TRPM7: variants seen among roughly 807,000 people sequenced by gnomAD.
TRPM7 encodes the protein transient receptor potential cation channel subfamily M member 7.
In TRPM7, 134 loss-of-function variants were observed where a neutral mutation model predicts 229.7. That is an observed-to-expected ratio of 0.58 (90% confidence interval 0.51 to 0.67). The LOEUF is 0.67. Ranked by LOEUF, TRPM7 falls within the 30% of genes least tolerant of loss-of-function variation. The pLI is 0.00. For missense variants in TRPM7, 1,901 were observed against 2,210.0 expected (o/e 0.86, Z 2.80); for synonymous variants, 699 against 715.2 (o/e 0.98, Z 0.36).
At chr15:50,672,610 G>A (rs1394602188) in intron 1 of TRPM7, among the ~76,000 whole-genome samples, 1 of 151,854 alleles carries the variant, frequency 6.6e-6, no homozygotes, top group Non-Finnish European at 1.5e-5. Context: ...ATTTTAAAAT[G>A]TTGAAATAGA....
chr15:50,678,658 G>A (rs1276226445), intron 1 of TRPM7, among the ~76,000 whole-genome samples: 1 of 151,450 alleles, frequency 6.6e-6, no homozygotes, highest in African/African-American at 2.4e-5. Context: ...TTTTAGATAC[G>A]AACCCTATGA....
intron 3 of TRPM7, among the ~76,000 whole-genome samples, chr15:50,649,424 C>T (rs1383685355): frequency 7.4e-6 from 1 of 134,386 alleles, no homozygotes; most frequent in Non-Finnish European, 1.6e-5. Flanking sequence ...ACAGAACAAG[C>T]AAGACCCCAA....
intron 1 of TRPM7, among the ~76,000 whole-genome samples, chr15:50,672,415 A>T (rs2062009628): frequency 6.6e-6 from 1 of 151,670 alleles, no homozygotes; most frequent in Non-Finnish European, 1.5e-5. Context: ...TTCAGGAAGT[A>T]TTCCAGAAGG....
chr15:50,684,597 C>A (rs1219627056), intron 1 of TRPM7, among the ~76,000 whole-genome samples: 1 of 151,786 alleles, frequency 6.6e-6, no homozygotes, highest in Non-Finnish European at 1.5e-5. Flanking sequence ...GCCGAGATCG[C>A]TACACTGCAC....
At chr15:50,628,344 C>A in intron 10 of TRPM7, 95 bp from the exon 11 acceptor site, 1 of 814,932 alleles carries the variant, frequency 1.2e-6, no homozygotes, top group South Asian at 1.6e-5. Flanking sequence ...GGGTCTTGGT[C>A]TGTTGCTCAG....
intron 16 of TRPM7, 101 bp from the exon 17 acceptor site, chr15:50,611,422 A>T (rs910249604): frequency 1.2e-6 from 1 of 830,868 alleles, no homozygotes; most frequent in Admixed American, 2.7e-5. Flanking sequence ...TAATATTCTC[A>T]CACACACTTA....
At chr15:50,652,259 G>A (rs989474963) in intron 3 of TRPM7, among the ~76,000 whole-genome samples, 7 of 145,572 alleles carry the variant, frequency 4.8e-5, no homozygotes, top group African/African-American at 1.8e-4. Context: ...CTTGAACCTG[G>A]GAGGCGGAGA....
At chr15:50,686,090 T>C (rs181788549) in intron 1 of TRPM7, among the ~76,000 whole-genome samples, 78 of 152,332 alleles carry the variant, frequency 5.1e-4, no homozygotes, top group Non-Finnish European at 7.8e-4. Flanking sequence ...CCTCCCTCCC[T>C]TTTTTCCATG....
At chr15:50,666,042 G>A (rs923506997) in intron 1 of TRPM7, among the ~76,000 whole-genome samples, 3 of 151,570 alleles carry the variant, frequency 2.0e-5, no homozygotes, top group Non-Finnish European at 4.4e-5. Flanking sequence ...GCTAACTCTC[G>A]GACTTTAAAA....
rs772258158 is a variant in TRPM7, at chr15:50,605,124, C to A, written c.2730G>T (p.Gly910=). 1.9e-6 allele frequency: 3 copies of A among 1,600,734 alleles called. No individual in the cohort carries two copies. In the African/African-American group the frequency reaches 4.0e-5, roughly 22 times the overall value. ...ATACTTTAATCTTCTGGTTTACTTT[C>A]CCAGCTTCAGACATAAAGATCTAAA... ...KVREIFMSEA[G]KVNQKIKVWF... The change falls in exon 21 of 39, where the codon GGG becomes GGT. Residue 910 remains glycine, a synonymous_variant. Transcript: ENST00000646667.
Position 50,561,500 on chromosome 15 carries a change from G to A in TRPM7, c.*178C>T, listed in dbSNP as rs1021997238. The A allele has an allele frequency of 5.0e-6, 3 of 604,954 alleles. No homozygotes were observed. The highest frequency in any genetic ancestry group is 8.2e-6 in the Non-Finnish European group (3 of 363,752). The allele number at this position is 604,954 out of a possible 1,614,324, so 37.5% of individuals were successfully genotyped here. On this transcript the variant is annotated 3_prime_UTR_variant, in exon 39 of 39. Coordinates refer to ENST00000646667, the MANE Select transcript of TRPM7 (RefSeq NM_017672.6). ...TCAGCTGCCAGCTCTATCCTATAGG[G>A]ACTTTCTGACTGATTAATCAGGTCA... is the stretch of plus-strand genomic sequence containing the variant.
chr15:50,640,949 T>A (rs933673497), intron 5 of TRPM7, among the ~76,000 whole-genome samples: 1 of 152,164 alleles, frequency 6.6e-6, no homozygotes, highest in East Asian at 1.9e-4. Flanking sequence ...TCGGAAACCA[T>A]GAGAAAATAA....
intron 1 of TRPM7, among the ~76,000 whole-genome samples, chr15:50,681,734 G>A (rs1288078372): frequency 6.6e-5 from 10 of 152,320 alleles, no homozygotes; most frequent in African/African-American, 1.9e-4. Context: ...CCAGAAGTCT[G>A]GCAGCTGGAT....
intron 31 of TRPM7, among the ~76,000 whole-genome samples, chr15:50,577,148 A>G (rs1327397543): frequency 1.3e-5 from 2 of 151,614 alleles, no homozygotes; most frequent in Non-Finnish European, 2.9e-5. Flanking sequence ...TTAAGAGCCT[A>G]AAGTGTGTGT....
At chr15:50,585,852 T>A (rs1334467245) in intron 28 of TRPM7, among the ~76,000 whole-genome samples, 25 of 152,182 alleles carry the variant, frequency 1.6e-4, no homozygotes, top group Admixed American at 1.6e-3. Context: ...AAATGAGAAA[T>A]TAATGGTACA....
At chr15:50,684,554 T>G (rs1351177541) in intron 1 of TRPM7, among the ~76,000 whole-genome samples, 1 of 151,488 alleles carries the variant, frequency 6.6e-6, no homozygotes, top group African/African-American at 2.4e-5. Flanking sequence ...GGCAGGAGAA[T>G]CACTTGAACC....
At chr15:50,572,866 T>G (rs367761436) in intron 36 of TRPM7, among the ~76,000 whole-genome samples, 1 of 152,312 alleles carries the variant, frequency 6.6e-6, no homozygotes, top group African/African-American at 2.4e-5. Context: ...TTCTAAACAA[T>G]TGTTCTCATG....
rs748556929 is a variant in TRPM7, at chr15:50,613,714, C to T, written c.1763G>A (p.Arg588Gln). 41 of 1,575,364 alleles carry T rather than the reference C, an allele frequency of 2.6e-5. No homozygotes were observed. Among genetic ancestry groups the T allele is most frequent in the Non-Finnish European group, 3.2e-5 (37 of 1,165,146 alleles). ...NHFIKTAQPY[R>Q]PKIDTVMEEG... ...ATATTTAAATAAATTTACCTTTGGT[C>T]GGTAGGGCTGTGCTGTCTTAATGAA... is the stretch of plus-strand genomic sequence containing the variant. The change falls in exon 15 of 39, where the codon CGA becomes CAA. Residue 588 changes from arginine (R) to glutamine (Q), a missense_variant. This residue lies in a region of TRPM7 where 794 missense variants were observed against 881.9 expected (regional missense o/e 0.90). Transcript: ENST00000646667.
intron 1 of TRPM7, among the ~76,000 whole-genome samples, chr15:50,673,852 T>C (rs1056254339): frequency 1.1e-4 from 16 of 152,320 alleles, no homozygotes; most frequent in African/African-American, 3.8e-4. Flanking sequence ...TTTCCCATAG[T>C]GGTTGTACTA....
Sources: gnomAD v4.1 joint callset for allele counts (sites outside exome capture counted in the v4.1 genomes callset) on GRCh38, gnomAD v4.1.1 for gene constraint, gnomAD v4.1.1 regional missense constraint, MANE v1.5 for transcripts, NCBI Gene and HGNC (gene_info 2026-07-23, HGNC 2026-07-21) for gene names.